Variants in CTNND2 observed in about 807,000 individuals in gnomAD.
CTNND2 encodes the protein catenin delta-2.
Under a neutral mutation model 144.4 loss-of-function variants are expected in CTNND2, and 22 were observed. That is an observed-to-expected ratio of 0.15 (90% CI 0.11 to 0.22). The LOEUF is 0.22. Ranked by LOEUF, CTNND2 falls within the 10% of genes least tolerant of loss-of-function variation. The pLI, the probability that CTNND2 is intolerant of heterozygous loss-of-function variation, is 1.00. For synonymous variants in CTNND2, 751 were observed against 695.6 expected, an observed-to-expected ratio of 1.08 and a Z score of -1.25; for missense variants, 1,353 against 1,618.8, an observed-to-expected ratio of 0.84 and a Z score of 2.82.
intron 11 of CTNND2, among the ~76,000 whole-genome samples, chr5:11,189,449 C>A (rs1019382744): frequency 6.6e-6 from 1 of 152,134 alleles, no homozygotes; most frequent in African/African-American, 2.4e-5. Context: ...GCTTCCTCCT[C>A]CTCAGCCTAC....
At chr5:11,524,882 G>A (rs1773086374) in intron 3 of CTNND2, among the ~76,000 whole-genome samples, 1 of 151,956 alleles carries the variant, frequency 6.6e-6, no homozygotes, top group African/African-American at 2.4e-5. Context: ...AGACTACAAT[G>A]TTGTCCTTTT....
At chr5:11,309,166 C>T (rs1750554048) in intron 9 of CTNND2, among the ~76,000 whole-genome samples, 1 of 152,158 alleles carries the variant, frequency 6.6e-6, no homozygotes, top group African/African-American at 2.4e-5. Flanking sequence ...CTCAATGGGG[C>T]ACTGCCTAGT....
intron 1 of CTNND2, among the ~76,000 whole-genome samples, chr5:11,847,129 TATA>T (rs1723137269): frequency 5.6e-4 from 2 of 3,582 alleles, no homozygotes; most frequent in African/African-American, 2.9e-3. Flanking sequence ...TCAAAGATTT[TATA>T]TATATATATA....
intron 2 of CTNND2, among the ~76,000 whole-genome samples, chr5:11,588,309 A>G (rs1170127534): frequency 6.7e-6 from 1 of 150,336 alleles, no homozygotes; most frequent in Non-Finnish European, 1.5e-5. Context: ...TTAACTGCGC[A>G]TCGAAGGAAA....
intron 12 of CTNND2, among the ~76,000 whole-genome samples, chr5:11,137,841 A>C (rs1180171632): frequency 6.6e-6 from 1 of 152,226 alleles, no homozygotes; most frequent in Non-Finnish European, 1.5e-5. Context: ...TTAATGACCA[A>C]AATGACCCTG....
chr5:11,534,974 G>A (rs1774082026), intron 3 of CTNND2, among the ~76,000 whole-genome samples: 1 of 152,038 alleles, frequency 6.6e-6, no homozygotes, highest in South Asian at 2.1e-4. Flanking sequence ...ATCACCTGAG[G>A]TCAGGAGTTC....
chr5:11,404,591 G>GTATCTGTA (rs1423015127), intron 5 of CTNND2, among the ~76,000 whole-genome samples: 2 of 100,850 alleles, frequency 2.0e-5, no homozygotes, highest in Non-Finnish European at 4.2e-5. Context: ...GTATCTGTCA[G>GTATCTGTA]TATCTGTATT....
chr5:11,884,097 T>C (rs919154224), intron 1 of CTNND2, among the ~76,000 whole-genome samples: 19 of 152,214 alleles, frequency 1.2e-4, no homozygotes, highest in African/African-American at 3.9e-4. Flanking sequence ...GATGGGTAGA[T>C]TGCAAAAATT....
At chr5:11,567,893 C>A (rs951645539) in intron 2 of CTNND2, among the ~76,000 whole-genome samples, 2 of 152,146 alleles carry the variant, frequency 1.3e-5, no homozygotes, top group African/African-American at 4.8e-5. Flanking sequence ...TTCTTGGGTT[C>A]TGGATAGGTT....
At chr5:11,172,000 T>C (rs905151257) in intron 11 of CTNND2, among the ~76,000 whole-genome samples, 4 of 152,206 alleles carry the variant, frequency 2.6e-5, no homozygotes, top group Admixed American at 2.0e-4. Context: ...ATTCGGACAA[T>C]TGTGGTCTTA....
rs1470187287 is a variant in CTNND2 at position 11,240,835 on chromosome 5, CCCCAACACACA to C, written c.1629-4023_1629-4013del. ...CACACATACACTCAGCACACACACC[CCCCAACACACA>C]CCCAACACATACACTCAGCACACAC... On this transcript the variant is annotated intron_variant, in intron 9 of 21. Transcript: ENST00000304623. Among the ~76,000 whole-genome samples the C allele has an allele frequency of 7.2e-5, 10 of 138,934 alleles. No individual in the cohort carries two copies. In the East Asian group the frequency reaches 2.3e-3, roughly 32 times the overall value. The allele number at this position is 138,934 out of a possible 152,430, so 91.1% of individuals were successfully genotyped here.
intron 18 of CTNND2, among the ~76,000 whole-genome samples, chr5:11,011,220 T>A (rs1432030056): frequency 1.3e-5 from 2 of 152,220 alleles, no homozygotes; most frequent in African/African-American, 2.4e-5. Flanking sequence ...TTATTTTTTA[T>A]TTTTATTTTT....
At chr5:11,723,125 C>T (rs1786779576) in intron 2 of CTNND2, among the ~76,000 whole-genome samples, 1 of 152,004 alleles carries the variant, frequency 6.6e-6, no homozygotes, top group African/African-American at 2.4e-5. Flanking sequence ...ATAAACTTGG[C>T]ATAATTGTAT....
intron 9 of CTNND2, among the ~76,000 whole-genome samples, chr5:11,321,261 T>C (rs1040175555): frequency 6.6e-6 from 1 of 152,218 alleles, no homozygotes; most frequent in Non-Finnish European, 1.5e-5. Flanking sequence ...AGGAATTTGA[T>C]TTTCCATTTT....
chr5:11,552,682 C>T (rs761270204), intron 3 of CTNND2, among the ~76,000 whole-genome samples: 18 of 152,190 alleles, frequency 1.2e-4, no homozygotes, highest in African/African-American at 1.4e-4. Flanking sequence ...CACTGCAACA[C>T]TTTCTGCTAT....
chr5:11,580,453 G>C (rs114846995), intron 2 of CTNND2, among the ~76,000 whole-genome samples: 1 of 152,152 alleles, frequency 6.6e-6, no homozygotes, highest in African/African-American at 2.4e-5. Flanking sequence ...CATCTTACCT[G>C]CAGAAACCTT....
At position 11,670,865 on chromosome 5, in the gene CTNND2, T is replaced by C. The variant is rs139805718; in HGVS notation, c.174+61271A>G. ...CCCCTTAGTTGATGAAGTTTCTTCATAGTGTCAATGGTCTTTACAATTTGG... is the reference window on the plus strand; with the variant it reads ...CCCCTTAGTTGATGAAGTTTCTTCACAGTGTCAATGGTCTTTACAATTTGG... On this transcript the variant is annotated intron_variant, in intron 2 of 21. Transcript: ENST00000304623. Among the ~76,000 whole-genome samples, 630 of 152,336 alleles carry C rather than the reference T, an allele frequency of 4.1e-3. 5 individuals carry two copies. The highest frequency in any genetic ancestry group is 0.014 in the African/African-American group (599 of 41,576).
At chr5:11,672,425 T>C (rs1016037164) in intron 2 of CTNND2, among the ~76,000 whole-genome samples, 1 of 151,512 alleles carries the variant, frequency 6.6e-6, no homozygotes, top group Non-Finnish European at 1.5e-5. Flanking sequence ...GAGATGGGGG[T>C]TTTATCTATA....
intron 3 of CTNND2, among the ~76,000 whole-genome samples, chr5:11,553,342 C>T (rs1245851523): frequency 6.6e-6 from 1 of 152,150 alleles, no homozygotes; most frequent in Non-Finnish European, 1.5e-5. Flanking sequence ...TGGTACTACT[C>T]TGATACATCT....
Sources: gnomAD v4.1 joint callset for allele counts (sites outside exome capture counted in the v4.1 genomes callset) on GRCh38, gnomAD v4.1.1 for gene constraint, MANE v1.5 for transcripts, NCBI Gene and HGNC (gene_info 2026-07-23, HGNC 2026-07-21) for gene names.